Variants in ZCCHC7 observed in about 807,000 individuals in gnomAD.
ZCCHC7 encodes the protein zinc finger CCHC domain-containing protein 7.
In ZCCHC7, 35 loss-of-function variants were observed where a neutral mutation model predicts 52.0. That is an observed-to-expected ratio of 0.67 (90% CI 0.51 to 0.89). ZCCHC7 has a LOEUF of 0.89. Among genes scored for constraint, ZCCHC7 ranks in the 40% least tolerant of loss-of-function variants. ZCCHC7 has a pLI of 0.00. For synonymous variants in ZCCHC7, 217 were observed against 221.5 expected (o/e 0.98, Z 0.18); for missense variants, 574 against 649.1 (o/e 0.88, Z 1.26).
At position 37,280,140 on chromosome 9, in the gene ZCCHC7, C is replaced by CA. The variant is rs879571320; in HGVS notation, c.611-22037dup. ...TGGGCAACAGTGCGAGACTCCGTCT[C>CA]AAAAAAAAAAAGGGATGTTTCAGAA... On this transcript the variant is annotated intron_variant, in intron 2 of 8. Coordinates refer to ENST00000336755, the MANE Select transcript of ZCCHC7 (RefSeq NM_032226.3). Among the ~76,000 whole-genome samples the CA allele has an allele frequency of 3.1e-3, 419 of 133,914 alleles. 2 individuals are homozygous for CA. The highest frequency in any genetic ancestry group is 7.0e-3 in the African/African-American group (253 of 35,986). The allele number at this position is 133,914 out of a possible 152,430, so 87.9% of individuals were successfully genotyped here. A position where few individuals can be genotyped will look rare whatever the true frequency, so the allele number is the denominator to read the frequency against.
chr9:37,153,572 C>A (rs999680336), intron 2 of ZCCHC7, among the ~76,000 whole-genome samples: 1 of 151,994 alleles, frequency 6.6e-6, no homozygotes, highest in African/African-American at 2.4e-5. Context: ...CCTCGGCCTC[C>A]CAAAATGTTG....
intron 2 of ZCCHC7, among the ~76,000 whole-genome samples, chr9:37,222,242 C>A (rs865851862): frequency 3.3e-5 from 5 of 150,236 alleles, no homozygotes; most frequent in Middle Eastern, 3.4e-3. Context: ...GGTGACGTGT[C>A]CTGCCAGATA....
chr9:37,151,417 A>G (rs971138920), intron 2 of ZCCHC7, among the ~76,000 whole-genome samples: 1 of 152,220 alleles, frequency 6.6e-6, no homozygotes, highest in Non-Finnish European at 1.5e-5. Context: ...TAAAGCTGAC[A>G]CTGGAAAGGG....
chr9:37,321,433 A>G (rs1475869597), intron 5 of ZCCHC7, among the ~76,000 whole-genome samples: 1 of 152,066 alleles, frequency 6.6e-6, no homozygotes, highest in Non-Finnish European at 1.5e-5. Context: ...CTGGCCTATA[A>G]TTGGTTTATA....
At chr9:37,190,802 T>A (rs1459849061) in intron 2 of ZCCHC7, among the ~76,000 whole-genome samples, 1 of 152,164 alleles carries the variant, frequency 6.6e-6, no homozygotes, top group African/African-American at 2.4e-5. Context: ...GTGGATCACC[T>A]GAAGTCAGGA....
At chr9:37,302,313 T>G (rs1829071894) in intron 3 of ZCCHC7, 82 bp downstream of exon 3, 1 of 1,132,724 alleles carries the variant, frequency 8.8e-7, no homozygotes, top group African/African-American at 1.5e-5. Context: ...GGAACATTAA[T>G]AAGTTTAAGT....
intron 2 of ZCCHC7, among the ~76,000 whole-genome samples, chr9:37,274,703 A>T (rs528413469): frequency 6.6e-6 from 1 of 152,238 alleles, no homozygotes; most frequent in Non-Finnish European, 1.5e-5. Flanking sequence ...TTATTTACTC[A>T]ATCTTTTCCT....
chr9:37,195,970 G>A (rs1823268824), intron 2 of ZCCHC7, among the ~76,000 whole-genome samples: 1 of 152,156 alleles, frequency 6.6e-6, no homozygotes, highest in Non-Finnish European at 1.5e-5. Context: ...TAGCAATAGG[G>A]AAGTTGAAAG....
At chr9:37,171,562 T>G (rs1226244018) in intron 2 of ZCCHC7, among the ~76,000 whole-genome samples, 4 of 151,992 alleles carry the variant, frequency 2.6e-5, no homozygotes, top group Non-Finnish European at 5.9e-5. Flanking sequence ...GGACTACAGG[T>G]GCATGCCACC....
intron 2 of ZCCHC7, among the ~76,000 whole-genome samples, chr9:37,133,422 G>T (rs1393943228): frequency 6.7e-6 from 1 of 149,408 alleles, no homozygotes; most frequent in Non-Finnish European, 1.5e-5. Context: ...GTCACCCAGG[G>T]TGGATTGCAG....
At chr9:37,129,447 C>T (rs1437987957) in intron 2 of ZCCHC7, among the ~76,000 whole-genome samples, 3 of 152,116 alleles carry the variant, frequency 2.0e-5, no homozygotes, top group Non-Finnish European at 2.9e-5. Context: ...TGCTGTAATC[C>T]TATTTCCAAT....
intron 1 of ZCCHC7, among the ~76,000 whole-genome samples, chr9:37,123,759 A>G (rs1842423961): frequency 6.6e-6 from 1 of 152,214 alleles, no homozygotes; most frequent in Admixed American, 6.5e-5. Context: ...CTTCTTTTAG[A>G]ATTAATTTAC....
At chr9:37,208,917 T>C (rs1211940080) in intron 2 of ZCCHC7, among the ~76,000 whole-genome samples, 2 of 152,370 alleles carry the variant, frequency 1.3e-5, no homozygotes, top group Non-Finnish European at 1.5e-5. Flanking sequence ...TGATCTTATC[T>C]CCTAATACTA....
At chr9:37,127,057 TG>T (rs1842571754) in intron 2 of ZCCHC7, 115 bp downstream of exon 2, 1 of 1,336,348 alleles carries the variant, frequency 7.5e-7, no homozygotes, top group Admixed American at 2.3e-5. Flanking sequence ...TTTTTGGTCT[TG>T]TTTTTTGGTT....
intron 2 of ZCCHC7, among the ~76,000 whole-genome samples, chr9:37,206,590 G>A (rs942389646): frequency 6.6e-6 from 1 of 152,058 alleles, no homozygotes. Context: ...GGGCTCAAGC[G>A]ATCCACTTGC....
At chr9:37,336,203 A>G (rs1362210795) in intron 6 of ZCCHC7, among the ~76,000 whole-genome samples, 1 of 152,194 alleles carries the variant, frequency 6.6e-6, no homozygotes, top group Non-Finnish European at 1.5e-5. Context: ...GTAGTGGTAT[A>G]AGAGCTGGGT....
intron 2 of ZCCHC7, among the ~76,000 whole-genome samples, chr9:37,219,781 TAGG>T (rs1824715968): frequency 6.6e-6 from 1 of 152,224 alleles, no homozygotes; most frequent in Non-Finnish European, 1.5e-5. Flanking sequence ...AAAGTAAGTT[TAGG>T]AGGAGTTCAG....
chr9:37,213,811 A>T (rs1398477519), intron 2 of ZCCHC7, among the ~76,000 whole-genome samples: 1 of 152,104 alleles, frequency 6.6e-6, no homozygotes, highest in Non-Finnish European at 1.5e-5. Context: ...ATTATCTTGC[A>T]CATTGTTTTA....
At chr9:37,123,423 A>G (rs766599019) in intron 1 of ZCCHC7, among the ~76,000 whole-genome samples, 2 of 152,252 alleles carry the variant, frequency 1.3e-5, no homozygotes, top group Non-Finnish European at 2.9e-5. Context: ...CAGACGGTAC[A>G]AAATCCTCTT....
Sources: gnomAD v4.1 joint callset for allele counts (sites outside exome capture counted in the v4.1 genomes callset) on GRCh38, gnomAD v4.1.1 for gene constraint, MANE v1.5 for transcripts, NCBI Gene and HGNC (gene_info 2026-07-23, HGNC 2026-07-21) for gene names.